MAP4K5: variants seen among roughly 807,000 people sequenced by gnomAD.
MAP4K5 encodes the protein MAPK/ERK kinase kinase kinase 5.
In MAP4K5, 82 loss-of-function variants were observed where a neutral mutation model predicts 135.6. The ratio of observed to expected loss-of-function variants is 0.60; its 90% CI spans 0.51 to 0.73. The LOEUF (loss-of-function observed/expected upper bound fraction) is 0.73. MAP4K5 is among the 30% of genes least tolerant of loss of function. MAP4K5 has a pLI of 0.00. For synonymous variants in MAP4K5, 347 were observed against 335.0 expected (o/e 1.04, Z -0.39); for missense variants, 907 against 1,010.9 (o/e 0.90, Z 1.39).
intron 3 of MAP4K5, among the ~76,000 whole-genome samples, chr14:50,490,559 C>G (rs571695426): frequency 3.9e-5 from 6 of 152,166 alleles, no homozygotes; most frequent in African/African-American, 1.2e-4. Flanking sequence ...AAAAAGTGTA[C>G]AAGTACAAGA....
Position 50,442,145 on chromosome 14 carries a change from TAA to T in MAP4K5, c.1564+585_1564+586del, listed in dbSNP as rs149787333. Among the ~76,000 whole-genome samples the T allele has an allele frequency of 8.3e-3, 1,264 of 152,206 alleles. 12 individuals are homozygous for T. Among genetic ancestry groups the T allele is most frequent in the African/African-American group, 0.029 (1,187 of 41,530 alleles). On this transcript the variant is annotated intron_variant, in intron 21 of 32. Transcript: ENST00000682126. ...CACTTCAGAAACATAGTCTACATTT[TAA>T]AAAAGTTATTTTAACATCATTTCAG...
intron 2 of MAP4K5, among the ~76,000 whole-genome samples, chr14:50,516,156 A>C (rs1306779181): frequency 6.6e-6 from 1 of 152,260 alleles, no homozygotes; most frequent in East Asian, 1.9e-4. Context: ...GCCATACTGT[A>C]ATCCAAGCTT....
intron 1 of MAP4K5, among the ~76,000 whole-genome samples, chr14:50,549,909 C>T (rs181618296): frequency 6.6e-6 from 1 of 152,282 alleles, no homozygotes; most frequent in Admixed American, 6.5e-5. Flanking sequence ...ATGAATGGGC[C>T]TGTAAAATAT....
intron 2 of MAP4K5, 124 bp downstream of exon 2, chr14:50,531,818 C>T (rs571017440): frequency 2.6e-6 from 2 of 762,978 alleles, no homozygotes; most frequent in African/African-American, 1.7e-5. Flanking sequence ...GGGACCCCGG[C>T]CGCTTTCTCC....
chr14:50,514,436 C>A (rs905140756), intron 2 of MAP4K5, among the ~76,000 whole-genome samples: 2 of 152,136 alleles, frequency 1.3e-5, no homozygotes, highest in East Asian at 1.9e-4. Context: ...TTAATACTTA[C>A]TATGTGCCAG....
chr14:50,468,411 G>C, intron 10 of MAP4K5: 2 of 465,432 alleles, frequency 4.3e-6, no homozygotes, highest in Non-Finnish European at 7.6e-6. Context: ...GACTAGTCAA[G>C]TACAGTAGTG....
At chr14:50,518,753 T>C (rs893523519) in intron 2 of MAP4K5, among the ~76,000 whole-genome samples, 3 of 152,254 alleles carry the variant, frequency 2.0e-5, no homozygotes, top group Admixed American at 6.5e-5. Flanking sequence ...AACTCTTTTC[T>C]AACACAGACT....
intron 2 of MAP4K5, among the ~76,000 whole-genome samples, chr14:50,526,899 C>A (rs1047211106): frequency 3.9e-5 from 6 of 151,982 alleles, no homozygotes; most frequent in African/African-American, 1.5e-4. Flanking sequence ...GAGGAACCCA[C>A]GTTAGTGATA....
rs772821651 is a variant in MAP4K5 at position 50,464,033 on chromosome 14, C to T, written c.819+19G>A. On this transcript the variant is annotated intron_variant, in intron 12 of 32. Transcript: ENST00000682126. The stretch of plus-strand genomic sequence containing the variant: ...AATTTATGACTATAGGAAGACCCCT[C>T]GTAATTTCAATGACTTACAGTCAGA... 14 of 1,432,708 alleles carry T rather than the reference C, an allele frequency of 9.8e-6. No homozygotes were observed. In the Admixed American group the frequency reaches 1.0e-4, roughly 10 times the overall value. The allele number at this position is 1,432,708 out of a possible 1,614,324, so 88.7% of individuals were successfully genotyped here.
intron 6 of MAP4K5, among the ~76,000 whole-genome samples, chr14:50,479,165 CTT>C (rs1161577273): frequency 2.9e-4 from 42 of 145,196 alleles, no homozygotes; most frequent in Non-Finnish European, 5.3e-4. Flanking sequence ...CCTTTTTTCT[CTT>C]TGTCTCTTCA....
chr14:50,510,217 T>G (rs1176196772), intron 2 of MAP4K5, among the ~76,000 whole-genome samples: 1 of 152,250 alleles, frequency 6.6e-6, no homozygotes, highest in Non-Finnish European at 1.5e-5. Flanking sequence ...TGAAAAGATC[T>G]AATATGCTTC....
upstream of MAP4K5, among the ~76,000 whole-genome samples, chr14:50,535,572 A>G (rs911354213): frequency 6.3e-5 from 9 of 143,626 alleles, no homozygotes; most frequent in African/African-American, 2.3e-4. Flanking sequence ...TTAAATAATT[A>G]TTATTAAACT....
intron 15 of MAP4K5, among the ~76,000 whole-genome samples, chr14:50,448,052 C>T (rs1455340910): frequency 2.0e-5 from 3 of 151,998 alleles, no homozygotes; most frequent in African/African-American, 7.2e-5. Flanking sequence ...CTCTGTCGCC[C>T]AGGCTGGATG....
chr14:50,434,959 T>C lies in MAP4K5; in HGVS notation c.1986+3A>G. ...AAAAAAATGTGAACAAAATAATATA[T>C]ACCTTTATCAACATGAATTTCTGCA... On this transcript the variant is annotated splice_donor_region_variant and intron_variant, in intron 27 of 32. Coordinates refer to ENST00000682126, the MANE Select transcript of MAP4K5 (RefSeq NM_006575.6). 1 of 1,576,146 alleles carries C rather than the reference T, an allele frequency of 6.3e-7. No individual in the cohort carries two copies. Among genetic ancestry groups the C allele is most frequent in the Non-Finnish European group, 8.7e-7 (1 of 1,150,594 alleles).
At chr14:50,547,153 A>C (rs1358868816) in intron 1 of MAP4K5, among the ~76,000 whole-genome samples, 1 of 152,234 alleles carries the variant, frequency 6.6e-6, no homozygotes, top group Non-Finnish European at 1.5e-5. Context: ...AAGTTAGAAT[A>C]GTGATTAGAT....
intron 3 of MAP4K5, among the ~76,000 whole-genome samples, chr14:50,493,053 G>A (rs553550310): frequency 1.3e-5 from 2 of 150,742 alleles, no homozygotes; most frequent in Admixed American, 1.3e-4. Context: ...AAAAAAAAAA[G>A]AGAATGAAAT....
chr14:50,517,183 ACT>A (rs2038051243), intron 2 of MAP4K5, among the ~76,000 whole-genome samples: 1 of 147,396 alleles, frequency 6.8e-6, no homozygotes. Flanking sequence ...ACAGAGTCTC[ACT>A]CTGTCACCCA....
intron 2 of MAP4K5, among the ~76,000 whole-genome samples, chr14:50,505,742 T>C (rs1298285674): frequency 1.3e-5 from 2 of 152,208 alleles, no homozygotes; most frequent in Non-Finnish European, 2.9e-5. Flanking sequence ...GTTAAAACCT[T>C]GGATGTTAAA....
chr14:50,455,394 TATG>T (rs778767450), intron 14 of MAP4K5, among the ~76,000 whole-genome samples: 5 of 152,126 alleles, frequency 3.3e-5, no homozygotes, highest in Middle Eastern at 6.8e-3. Flanking sequence ...AAATAAAGAA[TATG>T]ATGTTACAAT....
Sources: gnomAD v4.1 joint callset for allele counts (sites outside exome capture counted in the v4.1 genomes callset) on GRCh38, gnomAD v4.1.1 for gene constraint, MANE v1.5 for transcripts, NCBI Gene and HGNC (gene_info 2026-07-23, HGNC 2026-07-21) for gene names.